The following COL24A1 variants were observed in gnomAD, a reference collection of about 807,000 sequenced individuals.
COL24A1 encodes the protein collagen type XXIV alpha 1 chain, also known as collagen alpha-1(XXIV) chain.
In COL24A1, 224 loss-of-function variants were observed where a neutral mutation model predicts 253.9. The ratio of observed to expected loss-of-function variants is 0.88; its 90% CI spans 0.79 to 0.99. The LOEUF is 0.99. Ranked by LOEUF, COL24A1 falls within the 50% of genes least tolerant of loss-of-function variation. COL24A1 has a pLI of 0.00. For missense variants in COL24A1, 2,131 were observed against 2,068.5 expected, an observed-to-expected ratio of 1.03 and a Z score of -0.59; for synonymous variants, 685 against 673.7, an observed-to-expected ratio of 1.02 and a Z score of -0.26.
chr1:86,036,358 A>C (rs963036545), intron 12 of COL24A1, among the ~76,000 whole-genome samples: 7 of 152,086 alleles, frequency 4.6e-5, no homozygotes, highest in Non-Finnish European at 8.8e-5. Context: ...TTCTTGATAG[A>C]GATAATTTAT....
At chr1:85,915,238 T>C (rs143271473) in intron 24 of COL24A1, among the ~76,000 whole-genome samples, 49 of 152,338 alleles carry the variant, frequency 3.2e-4, no homozygotes, top group African/African-American at 1.1e-3. Context: ...CTCCTGCCTT[T>C]GAACTAGGAC....
chr1:85,787,650 G>T (rs543172075), intron 47 of COL24A1, among the ~76,000 whole-genome samples: 1 of 152,192 alleles, frequency 6.6e-6, no homozygotes, highest in African/African-American at 2.4e-5. Flanking sequence ...CTTTGCTATT[G>T]TGAATGGTGC....
chr1:85,921,322 TTGCTCAC>T (rs1401047121), intron 24 of COL24A1, among the ~76,000 whole-genome samples: 7 of 152,228 alleles, frequency 4.6e-5, no homozygotes, highest in African/African-American at 1.7e-4. Context: ...CCATGGAGCC[TTGCTCAC>T]TGCTAGAGCA....
At chr1:85,731,731 T>C (rs1453645476) in intron 59 of COL24A1, among the ~76,000 whole-genome samples, 1 of 152,052 alleles carries the variant, frequency 6.6e-6, no homozygotes, top group East Asian at 1.9e-4. Context: ...CATAAACAAA[T>C]AACCACAACA....
intron 22 of COL24A1, among the ~76,000 whole-genome samples, chr1:85,969,540 G>A (rs1438676421): frequency 7.0e-6 from 1 of 142,790 alleles, no homozygotes; most frequent in Non-Finnish European, 1.5e-5. Flanking sequence ...AGGAGGTGGA[G>A]GTTGCAGTGA....
intron 37 of COL24A1, among the ~76,000 whole-genome samples, chr1:85,858,467 C>G (rs569262010): frequency 6.6e-6 from 1 of 152,260 alleles, no homozygotes; most frequent in East Asian, 1.9e-4. Context: ...TTAGAAATCT[C>G]TTTTCCTCAG....
chr1:85,961,685 G>A (rs951684286), intron 23 of COL24A1, among the ~76,000 whole-genome samples: 1 of 152,128 alleles, frequency 6.6e-6, no homozygotes, highest in African/African-American at 2.4e-5. Flanking sequence ...ACAGTTCCAC[G>A]GTTTAACACC....
intron 53 of COL24A1, among the ~76,000 whole-genome samples, chr1:85,772,784 G>A (rs1668119352): frequency 6.6e-6 from 1 of 152,026 alleles, no homozygotes; most frequent in Non-Finnish European, 1.5e-5. Context: ...TTGTCAGATG[G>A]ATAGACTGCA....
intron 50 of COL24A1, 24 bp downstream of exon 50, chr1:85,784,089 C>T (rs1196509347): frequency 2.5e-6 from 4 of 1,580,438 alleles, no homozygotes; most frequent in Non-Finnish European, 3.5e-6. Flanking sequence ...AGCTAGAAGA[C>T]TAGAAGAAAG....
chr1:85,918,707 T>C (rs1286770612), intron 24 of COL24A1, among the ~76,000 whole-genome samples: 1 of 152,182 alleles, frequency 6.6e-6, no homozygotes, highest in Non-Finnish European at 1.5e-5. Flanking sequence ...GAATCTAAGA[T>C]ATCATGGATT....
At position 86,141,099 on chromosome 1, in the gene COL24A1, C is replaced by T. The variant is rs139095245; in HGVS notation, c.121+5020G>A. Among the ~76,000 whole-genome samples the T allele has an allele frequency of 3.5e-3, 530 of 152,178 alleles. 3 individuals are homozygous for T. The highest frequency in any genetic ancestry group is 0.011 in the African/African-American group (439 of 41,496). Reference sequence around the variant, plus strand: ...AGTTAATGAGTAGAAGAGACAACAGCAGACAAAATATATCAACAAATTTTT... The same window carrying T: ...AGTTAATGAGTAGAAGAGACAACAGTAGACAAAATATATCAACAAATTTTT... On this transcript the variant is annotated intron_variant, in intron 2 of 59. Transcript: ENST00000370571.
In COL24A1 at chr1:85,996,568, G is replaced by A. The variant is rs563227375; in HGVS notation, c.2311-8914C>T. Reference sequence around the variant, plus strand: ...GGAGAATTGCTAGAACCCTGGGGGCGGAGGTTGCAGTGAGCTGAGATGGCG... The same window carrying A: ...GGAGAATTGCTAGAACCCTGGGGGCAGAGGTTGCAGTGAGCTGAGATGGCG... On this transcript the variant is annotated intron_variant, in intron 19 of 59. Coordinates refer to ENST00000370571, the MANE Select transcript of COL24A1 (RefSeq NM_152890.7). 1.6e-3 allele frequency among the ~76,000 whole-genome samples: 249 copies of A among 151,992 alleles called. 1 individual carries two copies. Among genetic ancestry groups the A allele is most frequent in the Middle Eastern group, 3.4e-3 (1 of 294 alleles).
At chr1:85,781,093 G>A (rs1669092592) in intron 52 of COL24A1, 127 bp downstream of exon 52, 1 of 648,350 alleles carries the variant, frequency 1.5e-6, no homozygotes, top group Admixed American at 2.9e-5. Context: ...TCATTTTCCA[G>A]AAGAAAATGT....
At chr1:85,908,576 A>G (rs1176966145) in intron 27 of COL24A1, 22 bp downstream of exon 27, 1 of 1,349,954 alleles carries the variant, frequency 7.4e-7, no homozygotes, top group East Asian at 2.6e-5. Context: ...GGAAGGAATC[A>G]TAAAGTCTTT....
chr1:85,874,296 C>A (rs1487629571), intron 35 of COL24A1, among the ~76,000 whole-genome samples: 1 of 152,030 alleles, frequency 6.6e-6, no homozygotes, highest in Non-Finnish European at 1.5e-5. Flanking sequence ...AATTAGATTT[C>A]AATCTTGTTA....
intron 2 of COL24A1, among the ~76,000 whole-genome samples, chr1:86,145,867 A>T (rs906419699): frequency 6.6e-6 from 1 of 152,078 alleles, no homozygotes; most frequent in African/African-American, 2.4e-5. Context: ...TTATTGTACA[A>T]AACTTCTTTT....
chr1:85,812,144 A>G (rs758224348), intron 47 of COL24A1, among the ~76,000 whole-genome samples: 1 of 152,226 alleles, frequency 6.6e-6, no homozygotes, highest in Non-Finnish European at 1.5e-5. Flanking sequence ...TAATAATCGA[A>G]TTCACTGAAC....
intron 13 of COL24A1, 140 bp downstream of exon 13, chr1:86,033,730 A>T: frequency 3.0e-6 from 2 of 676,746 alleles, no homozygotes; most frequent in Non-Finnish European, 4.7e-6. Flanking sequence ...AAAAATCACA[A>T]ACTGGAATGT....
chr1:86,134,951 T>A (rs1649972926), intron 2 of COL24A1, among the ~76,000 whole-genome samples: 1 of 151,626 alleles, frequency 6.6e-6, no homozygotes, highest in Admixed American at 6.6e-5. Flanking sequence ...CATTGGGGTG[T>A]TAAAGTCTCC....
Sources: allele counts gnomAD v4.1 joint callset (sites outside exome capture counted in the v4.1 genomes callset), GRCh38; gene constraint gnomAD v4.1.1; transcripts MANE v1.5; gene names NCBI Gene and HGNC (gene_info 2026-07-23, HGNC 2026-07-21).